Variants in GSR observed in about 807,000 individuals in gnomAD.
GSR encodes the protein glutathione reductase, mitochondrial.
In GSR, 48 loss-of-function variants were observed where a neutral mutation model predicts 56.5. The ratio of observed to expected loss-of-function variants is 0.85; its 90% CI spans 0.67 to 1.08. The LOEUF (loss-of-function observed/expected upper bound fraction) is 1.08. Ranked by LOEUF, GSR falls within the 50% of genes least tolerant of loss-of-function variation. The pLI, the probability that GSR is intolerant of heterozygous loss-of-function variation, is 0.00. For synonymous variants in GSR, 264 were observed against 270.8 expected (o/e 0.97, Z 0.25); for missense variants, 694 against 703.3 (o/e 0.99, Z 0.15).
chr8:30,719,573 G>A (rs1204668426), intron 1 of GSR, among the ~76,000 whole-genome samples: 5 of 152,058 alleles, frequency 3.3e-5, no homozygotes, highest in African/African-American at 9.7e-5. Context: ...TTCACAGGCT[G>A]TTCAGTAAAT....
chr8:30,715,534 C>T lies in GSR; in HGVS notation c.307-3446G>A, dbSNP rs559944561. The stretch of plus-strand genomic sequence containing the variant: ...CTAGCCCCATAATGGGAATGATTTT[C>T]TCATCCAACCTGCCTTTTCCAGTTA... On this transcript the variant is annotated intron_variant, in intron 1 of 12. Coordinates refer to ENST00000221130, the MANE Select transcript of GSR (RefSeq NM_000637.5). Among the ~76,000 whole-genome samples, 128 of 152,272 alleles carry T rather than the reference C, an allele frequency of 8.4e-4. 1 individual carries two copies. The South Asian group carries it at 0.01, about 12-fold the overall frequency.
chr8:30,700,995 T>C (rs1467937042), intron 5 of GSR, among the ~76,000 whole-genome samples: 1 of 152,264 alleles, frequency 6.6e-6, no homozygotes, highest in Non-Finnish European at 1.5e-5. Flanking sequence ...CAATTTTACA[T>C]TGGCTTCAAA....
At chr8:30,681,792 G>GTT in intron 11 of GSR, 138 bp downstream of exon 11, 1 of 784,574 alleles carries the variant, frequency 1.3e-6, no homozygotes, top group Admixed American at 2.0e-5. Context: ...AACTGGAACT[G>GTT]TGACAAGAGA....
At chr8:30,688,098 G>A (rs1365729341) in intron 9 of GSR, among the ~76,000 whole-genome samples, 2 of 152,164 alleles carry the variant, frequency 1.3e-5, no homozygotes, top group Admixed American at 1.3e-4. Flanking sequence ...CAGACAGCAC[G>A]GGTAGAGCCA....
At chr8:30,710,092 G>T (rs1804077739) in intron 2 of GSR, among the ~76,000 whole-genome samples, 190 bp from the exon 3 acceptor site, 2 of 152,094 alleles carry the variant, frequency 1.3e-5, no homozygotes. Flanking sequence ...GAGGCAGGTG[G>T]ATCACTTGAG....
intron 6 of GSR, among the ~76,000 whole-genome samples, chr8:30,698,175 A>G (rs545075522): frequency 8.5e-5 from 13 of 152,290 alleles, no homozygotes; most frequent in African/African-American, 3.1e-4. Flanking sequence ...CCCAGTTATT[A>G]CTTATTCACC....
intron 1 of GSR, among the ~76,000 whole-genome samples, chr8:30,723,626 A>G (rs1663956736): frequency 6.6e-6 from 1 of 152,042 alleles, no homozygotes; most frequent in African/African-American, 2.4e-5. Context: ...CCTCATCTCT[A>G]CTAAAAATAC....
intron 5 of GSR, among the ~76,000 whole-genome samples, chr8:30,700,929 C>T (rs1460597118): frequency 6.6e-6 from 1 of 152,086 alleles, no homozygotes; most frequent in African/African-American, 2.4e-5. Flanking sequence ...ATGCATTCTT[C>T]CAGGTTTGAC....
In GSR at chr8:30,703,236, T is replaced by C. The variant is rs781722885; in HGVS notation, c.497A>G (p.His166Arg). Residue 166 changes from histidine (H) to arginine (R), a missense_variant, in exon 5 of 13, where the codon CAT (histidine) becomes CGT (arginine). Coordinates refer to ENST00000221130, the MANE Select transcript of GSR (RefSeq NM_000637.5). ...AIYQNNLTKS[H>R]IEIIRGHAAF... ...TGCATGGCCACGGATGATTTCTATA[T>C]GGGACTAAAGAAGGAACCATGACAT... 2.4e-5 allele frequency: 39 copies of C among 1,613,736 alleles called. No homozygotes were observed. The highest frequency in any genetic ancestry group is 3.1e-5 in the Non-Finnish European group (36 of 1,179,762).
chr8:30,718,629 T>C (rs1804423033), intron 1 of GSR, among the ~76,000 whole-genome samples: 1 of 152,146 alleles, frequency 6.6e-6, no homozygotes, highest in Non-Finnish European at 1.5e-5. Flanking sequence ...GACTGGAGCA[T>C]TATCAGATGA....
At chr8:30,724,749 T>C (rs1420151766) in intron 1 of GSR, among the ~76,000 whole-genome samples, 1 of 152,146 alleles carries the variant, frequency 6.6e-6, no homozygotes, top group Non-Finnish European at 1.5e-5. Context: ...TTGGCCAGGC[T>C]GGTCTCGAAC....
chr8:30,708,407 G>A (rs1300421707), intron 3 of GSR, among the ~76,000 whole-genome samples: 3 of 152,220 alleles, frequency 2.0e-5, no homozygotes, highest in African/African-American at 7.2e-5. Flanking sequence ...TTTTGGCAAA[G>A]TGCCTAGAAC....
chr8:30,699,386 A>G (rs1185119721), intron 6 of GSR, among the ~76,000 whole-genome samples: 8 of 151,628 alleles, frequency 5.3e-5, no homozygotes, highest in African/African-American at 1.9e-4. Context: ...AGGCGGGCGG[A>G]TCACCTGAGG....
At chr8:30,715,584 T>C (rs535773449) in intron 1 of GSR, among the ~76,000 whole-genome samples, 1 of 152,332 alleles carries the variant, frequency 6.6e-6, no homozygotes, top group East Asian at 1.9e-4. Flanking sequence ...TGCTTCCCCG[T>C]GCCTTCCACC....
intron 5 of GSR, among the ~76,000 whole-genome samples, chr8:30,700,706 G>T (rs1351241179): frequency 1.0e-5 from 1 of 96,104 alleles, no homozygotes; most frequent in Non-Finnish European, 2.0e-5. Context: ...CCTGGGAACA[G>T]AGCAAGATTT....
intron 1 of GSR, among the ~76,000 whole-genome samples, chr8:30,712,847 T>G (rs1485869159): frequency 6.6e-6 from 1 of 152,214 alleles, no homozygotes. Context: ...TAAAATGACT[T>G]TGATTTATAA....
intron 8 of GSR, 57 bp downstream of exon 8, chr8:30,692,912 C>A: frequency 9.4e-7 from 1 of 1,067,662 alleles, no homozygotes. Flanking sequence ...GGCGAAGCCA[C>A]AAGCAGAAAG....
intron 9 of GSR, among the ~76,000 whole-genome samples, chr8:30,688,578 C>CAAAA (rs57690198): frequency 7.9e-4 from 64 of 81,472 alleles, no homozygotes; most frequent in South Asian, 7.8e-3. Flanking sequence ...GACCCTGTCT[C>CAAAA]AAAAAAAAAA....
intron 10 of GSR, among the ~76,000 whole-genome samples, chr8:30,683,019 G>A (rs1264916725): frequency 6.6e-6 from 1 of 151,712 alleles, no homozygotes; most frequent in African/African-American, 2.4e-5. Context: ...GCAGAGATGG[G>A]GTTTCACCAT....
Sources: gnomAD v4.1 joint callset for allele counts (sites outside exome capture counted in the v4.1 genomes callset) on GRCh38, gnomAD v4.1.1 for gene constraint, MANE v1.5 for transcripts, NCBI Gene and HGNC (gene_info 2026-07-23, HGNC 2026-07-21) for gene names.